Variants in SORCS1 observed in about 807,000 individuals in gnomAD.
SORCS1 encodes VPS10 domain-containing receptor SorCS1.
SORCS1 carries 60 observed loss-of-function variants against 146.1 expected under a neutral mutation model. The observed-to-expected ratio is 0.41, with a 90% CI of 0.33 to 0.51. The LOEUF is 0.51. Ranked by LOEUF, SORCS1 falls within the 20% of genes least tolerant of loss-of-function variation. The pLI is 0.21. For synonymous variants in SORCS1, 637 were observed against 584.0 expected (o/e 1.09, Z -1.31); for missense variants, 1,352 against 1,487.6 (o/e 0.91, Z 1.50).
intron 18 of SORCS1, among the ~76,000 whole-genome samples, chr10:106,638,068 C>A (rs947697558): frequency 2.6e-5 from 4 of 152,142 alleles, no homozygotes; most frequent in African/African-American, 9.7e-5. Context: ...AGGTTCAGAA[C>A]CTTGACCCAT....
intron 2 of SORCS1, among the ~76,000 whole-genome samples, chr10:106,894,228 C>T (rs17121733): frequency 0.035 from 5,241 of 149,618 alleles, 101 homozygotes; most frequent in South Asian, 0.047. Context: ...GTTAGTGGGG[C>T]ATGTGTGCAT....
At chr10:106,946,091 G>T (rs924051185) in intron 2 of SORCS1, among the ~76,000 whole-genome samples, 2 of 152,188 alleles carry the variant, frequency 1.3e-5, no homozygotes, top group Admixed American at 1.3e-4. Flanking sequence ...AGGTCACGTA[G>T]CACATTATTC....
intron 1 of SORCS1, among the ~76,000 whole-genome samples, chr10:107,012,105 T>C (rs1957720054): frequency 6.6e-6 from 1 of 152,216 alleles, no homozygotes; most frequent in Non-Finnish European, 1.5e-5. Flanking sequence ...AGATTTTTTT[T>C]CGTGAGTTCC....
At chr10:106,771,154 A>G (rs1490019177) in intron 4 of SORCS1, among the ~76,000 whole-genome samples, 1 of 152,162 alleles carries the variant, frequency 6.6e-6, no homozygotes, top group Non-Finnish European at 1.5e-5. Flanking sequence ...AGAGGCTCCA[A>G]GAGCCCTTAC....
chr10:106,699,327 C>A lies in SORCS1; in HGVS notation c.1300G>T (p.Asp434Tyr), dbSNP rs775337884. The A allele has an allele frequency of 6.2e-7, 1 of 1,613,912 alleles. No individual in the cohort carries two copies. The highest frequency in any genetic ancestry group is 8.5e-7 in the Non-Finnish European group (1 of 1,179,900). ...FAAVQEWNQN[D>Y]TYNLYISDTR... ...TCTGAGATGTAGAGGTTGTACGTGT[C>A]ATTCTGGTTCCATTCTTGGACCGCT... Residue 434 changes from aspartate (D) to tyrosine (Y), a missense_variant, in exon 9 of 26, where the codon GAC (aspartate) becomes TAC (tyrosine). Around this residue, in one of 3 missense-constraint regions of SORCS1, gnomAD observed 648 missense variants for 793.8 expected, o/e 0.82. Transcript: ENST00000263054.
intron 18 of SORCS1, among the ~76,000 whole-genome samples, chr10:106,632,140 C>A (rs1469470556): frequency 3.3e-5 from 5 of 152,092 alleles, no homozygotes; most frequent in Non-Finnish European, 1.5e-5. Flanking sequence ...CACCTGACAG[C>A]CCCTGAAGAC....
chr10:106,632,614 C>T (rs1848502727), intron 18 of SORCS1, among the ~76,000 whole-genome samples: 1 of 152,194 alleles, frequency 6.6e-6, no homozygotes, highest in African/African-American at 2.4e-5. Context: ...TCATGTCAGT[C>T]ACCAAATGGG....
At chr10:106,989,107 A>C (rs1315760706) in intron 1 of SORCS1, among the ~76,000 whole-genome samples, 3 of 150,072 alleles carry the variant, frequency 2.0e-5, no homozygotes, top group African/African-American at 7.4e-5. Flanking sequence ...AAAAATACAA[A>C]AAAAAAAAAA....
chr10:107,107,067 G>A (rs528523635), intron 1 of SORCS1, among the ~76,000 whole-genome samples: 6 of 152,302 alleles, frequency 3.9e-5, no homozygotes, highest in South Asian at 2.1e-4. Flanking sequence ...ACTAAGACAG[G>A]AAACTGTTAC....
chr10:107,084,041 G>A (rs7896641), intron 1 of SORCS1, among the ~76,000 whole-genome samples: 9,070 of 150,898 alleles, frequency 0.06, 839 homozygotes, highest in African/African-American at 0.2. Context: ...AACTAGAGCT[G>A]ATGTGAATGT....
intron 2 of SORCS1, among the ~76,000 whole-genome samples, chr10:106,835,221 T>C (rs1356790344): frequency 6.6e-6 from 1 of 152,240 alleles, no homozygotes; most frequent in African/African-American, 2.4e-5. Flanking sequence ...CCATAAGAGT[T>C]GCAGAAATGC....
intron 3 of SORCS1, among the ~76,000 whole-genome samples, chr10:106,808,715 G>A (rs1589443157): frequency 6.6e-6 from 1 of 152,114 alleles, no homozygotes; most frequent in African/African-American, 2.4e-5. Flanking sequence ...TGTTAGCCAG[G>A]ATGTTCTCCA....
At chr10:106,803,433 A>T (rs1422972491) in intron 3 of SORCS1, among the ~76,000 whole-genome samples, 1 of 152,180 alleles carries the variant, frequency 6.6e-6, no homozygotes, top group Non-Finnish European at 1.5e-5. Context: ...TCACCTACAG[A>T]TAAACGCAGA....
chr10:106,780,031 T>C (rs1244785195), intron 3 of SORCS1, among the ~76,000 whole-genome samples: 2 of 152,194 alleles, frequency 1.3e-5, no homozygotes, highest in Non-Finnish European at 2.9e-5. Flanking sequence ...TCCTACCATT[T>C]TATCAGTAAT....
At chr10:106,904,745 C>T (rs757906423) in intron 2 of SORCS1, among the ~76,000 whole-genome samples, 4 of 152,120 alleles carry the variant, frequency 2.6e-5, no homozygotes, top group Non-Finnish European at 4.4e-5. Context: ...CTGATAGACC[C>T]GTTTTGGCCC....
intron 25 of SORCS1, chr10:106,578,694 C>T: frequency 9.8e-7 from 1 of 1,023,750 alleles, no homozygotes; most frequent in Non-Finnish European, 1.2e-6. Flanking sequence ...ATGTTTCATT[C>T]TAGTCAATAC....
chr10:106,736,415 C>G (rs1342798924), intron 5 of SORCS1, among the ~76,000 whole-genome samples: 2 of 152,148 alleles, frequency 1.3e-5, no homozygotes, highest in East Asian at 3.9e-4. Context: ...CTGCCTTCCT[C>G]TTCATGTTCC....
chr10:107,085,013 C>T (rs1963655080), intron 1 of SORCS1, among the ~76,000 whole-genome samples: 1 of 152,204 alleles, frequency 6.6e-6, no homozygotes, highest in Admixed American at 6.5e-5. Context: ...TCTTGATGAG[C>T]GTTCAGAGCA....
chr10:106,703,076 T>A (rs1854248170), intron 8 of SORCS1, among the ~76,000 whole-genome samples: 1 of 151,984 alleles, frequency 6.6e-6, no homozygotes, highest in South Asian at 2.1e-4. Flanking sequence ...TTTTCAGACA[T>A]ATTTGACCAC....
Sources: gnomAD v4.1 joint callset for allele counts (sites outside exome capture counted in the v4.1 genomes callset) on GRCh38, gnomAD v4.1.1 for gene constraint, gnomAD v4.1.1 regional missense constraint, MANE v1.5 for transcripts, NCBI Gene and HGNC (gene_info 2026-07-23, HGNC 2026-07-21) for gene names.